MACROD2: variants seen among roughly 807,000 people sequenced by gnomAD.
MACROD2 encodes mono-ADP ribosylhydrolase 2, also known as ADP-ribose glycohydrolase MACROD2.
A neutral mutation model predicts 70.4 loss-of-function variants in MACROD2; 36 were observed. The ratio of observed to expected loss-of-function variants is 0.51; its 90% CI spans 0.39 to 0.68. The LOEUF (loss-of-function observed/expected upper bound fraction) is 0.68. Ranked by LOEUF, MACROD2 falls within the 30% of genes least tolerant of loss-of-function variation. The probability of loss-of-function intolerance (pLI) is 0.00; values close to 1 mark genes in which losing one functional copy is unlikely to be tolerated. For synonymous variants in MACROD2, 172 were observed against 178.8 expected (o/e 0.96, Z 0.30); for missense variants, 496 against 538.4 (o/e 0.92, Z 0.78).
intron 5 of MACROD2, among the ~76,000 whole-genome samples, chr20:15,173,583 A>G (rs1333119475): frequency 6.6e-6 from 1 of 152,196 alleles, no homozygotes; most frequent in Non-Finnish European, 1.5e-5. Flanking sequence ...AATCCATTCC[A>G]TTAAGGTGAA....
chr20:15,699,727 G>A (rs1311604147), intron 8 of MACROD2, among the ~76,000 whole-genome samples: 2 of 152,158 alleles, frequency 1.3e-5, no homozygotes, highest in Non-Finnish European at 2.9e-5. Flanking sequence ...CACCTGTGAC[G>A]TCTGCACTCC....
chr20:14,375,601 CAG>C (rs1245481880), intron 3 of MACROD2, among the ~76,000 whole-genome samples: 1 of 151,920 alleles, frequency 6.6e-6, no homozygotes, highest in African/African-American at 2.4e-5. Context: ...CTAGGTGAAA[CAG>C]AGATTGGCAG....
At chr20:14,287,507 G>A (rs2082354739) in intron 3 of MACROD2, among the ~76,000 whole-genome samples, 1 of 152,064 alleles carries the variant, frequency 6.6e-6, no homozygotes. Flanking sequence ...ACTATTTTGA[G>A]CATCTGTTGG....
intron 8 of MACROD2, among the ~76,000 whole-genome samples, chr20:15,822,171 T>A (rs1036597570): frequency 2.0e-5 from 3 of 152,198 alleles, no homozygotes; most frequent in Non-Finnish European, 4.4e-5. Flanking sequence ...CAATTGGCCA[T>A]TATAATGATA....
At chr20:15,830,094 G>A (rs1417841377) in intron 8 of MACROD2, among the ~76,000 whole-genome samples, 1 of 152,180 alleles carries the variant, frequency 6.6e-6, no homozygotes. Flanking sequence ...GTATTCTCAT[G>A]AAAGTGCAAG....
At chr20:15,867,885 A>G (rs981204086) in intron 9 of MACROD2, among the ~76,000 whole-genome samples, 1 of 152,114 alleles carries the variant, frequency 6.6e-6, no homozygotes, top group Non-Finnish European at 1.5e-5. Flanking sequence ...GTTTACTGCA[A>G]TGGTTCTCAA....
At chr20:15,278,245 A>T (rs118082556) in intron 6 of MACROD2, among the ~76,000 whole-genome samples, 1,758 of 152,260 alleles carry the variant, frequency 0.012, 18 homozygotes, top group Non-Finnish European at 0.018. Context: ...AGACTTAGGG[A>T]TAGGTTATGA....
chr20:16,053,119 T>C lies in MACROD2; in HGVS notation c.*3243T>C, dbSNP rs1229398391. Reference sequence around the variant, plus strand: ...GTTTCTTTTCATCTGTGCCATACACTAAAAAACAACTGTTGCCTTCATACT... The same window carrying C: ...GTTTCTTTTCATCTGTGCCATACACCAAAAAACAACTGTTGCCTTCATACT... On this transcript the variant is annotated 3_prime_UTR_variant, in exon 18 of 18. Transcript: ENST00000684519. 3 of 152,582 alleles carry C rather than the reference T, an allele frequency of 2.0e-5. No homozygotes were observed. In the East Asian group the frequency reaches 5.8e-4, roughly 30 times the overall value. 9.5% of individuals were successfully genotyped at this position (152,582 alleles called of 1,614,324 possible).
chr20:14,394,278 T>G lies in MACROD2; in HGVS notation c.272-99201T>G, dbSNP rs546113398. Among the ~76,000 whole-genome samples, 8 of 152,332 alleles carry G rather than the reference T, an allele frequency of 5.3e-5. No individual in the cohort carries two copies. In the East Asian group the frequency reaches 1.2e-3, roughly 22 times the overall value. Reference sequence around the variant, plus strand: ...TGCTCTCCATATATTTAGATCTTCTTTAATTTCTCTCAGCATCGCTTTGTA... The same window carrying G: ...TGCTCTCCATATATTTAGATCTTCTGTAATTTCTCTCAGCATCGCTTTGTA... On this transcript the variant is annotated intron_variant, in intron 3 of 17. Transcript: ENST00000684519.
chr20:14,976,272 GTGT>G (rs1259560575), intron 5 of MACROD2, among the ~76,000 whole-genome samples: 5 of 152,190 alleles, frequency 3.3e-5, no homozygotes, highest in Non-Finnish European at 5.9e-5. Context: ...TAAAGGTGAG[GTGT>G]TGGTGGTGCT....
At chr20:14,512,140 TGATATTAACTAGAGCAAATA>T (rs1185667787) in intron 4 of MACROD2, among the ~76,000 whole-genome samples, 4 of 152,080 alleles carry the variant, frequency 2.6e-5, no homozygotes, top group African/African-American at 7.2e-5. Context: ...CTATCATCCA[TGATATTAACTAGAGCAAATA>T]GGCAAATTTT....
At chr20:15,974,064 T>C (rs754084205) in intron 13 of MACROD2, among the ~76,000 whole-genome samples, 4 of 152,192 alleles carry the variant, frequency 2.6e-5, no homozygotes, top group Non-Finnish European at 4.4e-5. Flanking sequence ...TAGTCCTTGC[T>C]ATAGGAATAG....
chr20:14,568,921 G>A (rs1979992159), intron 4 of MACROD2, among the ~76,000 whole-genome samples: 1 of 151,884 alleles, frequency 6.6e-6, no homozygotes, highest in African/African-American at 2.4e-5. Context: ...AACTGCTACA[G>A]CCCCAGTCAG....
At chr20:15,883,927 G>C (rs1041028744) in intron 9 of MACROD2, among the ~76,000 whole-genome samples, 1 of 152,090 alleles carries the variant, frequency 6.6e-6, no homozygotes, top group African/African-American at 2.4e-5. Context: ...CAAGTAGACT[G>C]TGTGATTTTA....
At chr20:14,361,031 A>C (rs6110260) in intron 3 of MACROD2, among the ~76,000 whole-genome samples, 9 of 152,100 alleles carry the variant, frequency 5.9e-5, no homozygotes, top group Admixed American at 5.9e-4. Flanking sequence ...TACTGAAGAG[A>C]GTTTGGAAGT....
At chr20:15,721,201 T>C (rs2050782724) in intron 8 of MACROD2, among the ~76,000 whole-genome samples, 1 of 151,408 alleles carries the variant, frequency 6.6e-6, no homozygotes, top group Admixed American at 6.6e-5. Context: ...TGCTGGCTTG[T>C]AGACGTGCTT....
chr20:14,755,446 T>A (rs2071927631), intron 5 of MACROD2, among the ~76,000 whole-genome samples: 1 of 152,100 alleles, frequency 6.6e-6, no homozygotes, highest in Admixed American at 6.5e-5. Context: ...TATTTATATG[T>A]TTTTAGGTTA....
chr20:14,551,970 T>A (rs540305495), intron 4 of MACROD2, among the ~76,000 whole-genome samples: 35 of 152,172 alleles, frequency 2.3e-4, no homozygotes, highest in South Asian at 1.2e-3. Context: ...TATTAAATTG[T>A]TTTCAAGATA....
intron 17 of MACROD2, among the ~76,000 whole-genome samples, chr20:16,046,462 C>G (rs529368083): frequency 6.6e-6 from 1 of 152,000 alleles, no homozygotes; most frequent in Non-Finnish European, 1.5e-5. Flanking sequence ...GCAAGCTCCT[C>G]AGTGTTTCCT....
Sources: gnomAD v4.1 joint callset for allele counts (sites outside exome capture counted in the v4.1 genomes callset) on GRCh38, gnomAD v4.1.1 for gene constraint, MANE v1.5 for transcripts, NCBI Gene and HGNC (gene_info 2026-07-23, HGNC 2026-07-21) for gene names.